The following RUNX1T1 variants were observed in gnomAD, a reference collection of about 807,000 sequenced individuals.
RUNX1T1 encodes the protein RUNX1 partner transcriptional co-repressor 1, also known as protein CBFA2T1.
In RUNX1T1, 4 loss-of-function variants were observed where a neutral mutation model predicts 62.8. The ratio of observed to expected loss-of-function variants is 0.06; its 90% CI spans 0.03 to 0.15. The LOEUF is 0.15. Among genes scored for constraint, RUNX1T1 ranks in the 10% least tolerant of loss-of-function variants. The pLI is 1.00. For missense variants in RUNX1T1, 508 were observed against 754.3 expected, an observed-to-expected ratio of 0.67 and a Z score of 3.82; for synonymous variants, 291 against 286.0, an observed-to-expected ratio of 1.02 and a Z score of -0.18.
downstream of RUNX1T1, chr8:91,957,497 AG>A (rs1265826395): frequency 1.2e-5 from 2 of 170,022 alleles, no homozygotes; most frequent in Admixed American, 9.6e-5. Context: ...GCTCAGAGTT[AG>A]GGATTTTTTT....
At chr8:92,048,952 A>C (rs1280606386) in intron 1 of RUNX1T1, among the ~76,000 whole-genome samples, 1 of 152,084 alleles carries the variant, frequency 6.6e-6, no homozygotes, top group Non-Finnish European at 1.5e-5. Flanking sequence ...TAAAATGAGG[A>C]GGTATGGTGG....
intron 4 of RUNX1T1, chr8:92,005,825 T>C (rs1169216964): frequency 1.3e-5 from 2 of 152,176 alleles, no homozygotes; most frequent in East Asian, 1.9e-4. Context: ...GACATGAACA[T>C]AGAGATTATT....
At chr8:92,037,124 G>A (rs943355761) in intron 1 of RUNX1T1, among the ~76,000 whole-genome samples, 1 of 152,060 alleles carries the variant, frequency 6.6e-6, no homozygotes, top group African/African-American at 2.4e-5. Context: ...TGGGAGAATG[G>A]GCTACTGAAT....
intron 1 of RUNX1T1, among the ~76,000 whole-genome samples, chr8:92,058,203 T>C (rs541836681): frequency 1.3e-5 from 2 of 152,292 alleles, no homozygotes; most frequent in African/African-American, 2.4e-5. Context: ...ATCATGGTTA[T>C]CTGGTATCTG....
chr8:92,055,385 G>C (rs1488487971), intron 1 of RUNX1T1, among the ~76,000 whole-genome samples: 4 of 152,210 alleles, frequency 2.6e-5, no homozygotes, highest in Admixed American at 6.5e-5. Context: ...AAAACATTTT[G>C]AAAACCTAGT....
intron 1 of RUNX1T1, among the ~76,000 whole-genome samples, chr8:92,025,912 TC>T (rs1272534607): frequency 6.6e-6 from 1 of 152,218 alleles, no homozygotes; most frequent in Non-Finnish European, 1.5e-5. Flanking sequence ...ACCACATATT[TC>T]CTGAGACTTT....
At chr8:92,014,504 G>A in intron 3 of RUNX1T1, 75 bp downstream of exon 4, 1 of 1,306,964 alleles carries the variant, frequency 7.7e-7, no homozygotes, top group Non-Finnish European at 1.1e-6. Flanking sequence ...TGCGAGAACG[G>A]TGTCTACATG....
intron 1 of RUNX1T1, among the ~76,000 whole-genome samples, chr8:92,025,993 C>G (rs546912305): frequency 3.7e-4 from 57 of 152,146 alleles, no homozygotes; most frequent in Non-Finnish European, 7.2e-4. Flanking sequence ...CCTCTAAAAA[C>G]TGTTTTACAA....
chr8:92,098,343 A>G (rs1837883142), intron 1 of RUNX1T1, among the ~76,000 whole-genome samples: 1 of 152,222 alleles, frequency 6.6e-6, no homozygotes, highest in Non-Finnish European at 1.5e-5. Flanking sequence ...ATGGATACAA[A>G]GCTGAAATGC....
rs748283968 is a variant in RUNX1T1 at position 91,970,651 on chromosome 8, G to A, written c.1458+7C>T. 35 of 1,590,352 alleles carry A rather than the reference G, an allele frequency of 2.2e-5. No homozygotes were observed. The highest frequency in any genetic ancestry group is 1.7e-4 in the Middle Eastern group (1 of 5,950). On this transcript the variant is annotated splice_region_variant and intron_variant, in intron 10 of 10. Coordinates refer to ENST00000396218, the Ensembl canonical transcript of RUNX1T1. ...TTGTTTATTTGGAGCTTCCCAAGATGCCTCACCTCGCTTGAATCCTCCTGC... is the reference window on the plus strand; with the variant it reads ...TTGTTTATTTGGAGCTTCCCAAGATACCTCACCTCGCTTGAATCCTCCTGC...
At chr8:92,099,581 G>C (rs1207331469) in exon 1 of RUNX1T1, 2 of 978,904 alleles carry the variant, frequency 2.0e-6, no homozygotes, top group East Asian at 2.3e-4. Flanking sequence ...ATAACTTACA[G>C]TAATAGACTC....
At position 92,001,540 on chromosome 8, in the gene RUNX1T1, C is replaced by G. The variant is rs192736330; in HGVS notation, c.659+3576G>C. On this transcript the variant is annotated intron_variant, in intron 5 of 10. Coordinates refer to ENST00000396218, the Ensembl canonical transcript of RUNX1T1. The stretch of plus-strand genomic sequence containing the variant: ...GGCCTTTGCATTGAAAGTTTAGAAG[C>G]GTTAAACTGAGAGTAATGTAAAGCA... Among the ~76,000 whole-genome samples the G allele has an allele frequency of 3.4e-4, 52 of 152,150 alleles. No individual in the cohort carries two copies. In the East Asian group the frequency reaches 9.3e-3, roughly 27 times the overall value.
At chr8:91,961,843 T>C (rs558658952) in intron 10 of RUNX1T1, among the ~76,000 whole-genome samples, 1 of 152,244 alleles carries the variant, frequency 6.6e-6, no homozygotes, top group African/African-American at 2.4e-5. Flanking sequence ...AACAAACTTC[T>C]GACTACAATC....
downstream of RUNX1T1, chr8:91,956,544 C>T (rs1216882766): frequency 6.8e-5 from 15 of 219,514 alleles, no homozygotes; most frequent in East Asian, 1.0e-3. Context: ...TACAACAATA[C>T]CTGAATCATA....
intron 1 of RUNX1T1, among the ~76,000 whole-genome samples, chr8:92,077,895 GT>G (rs1449974581): frequency 3.3e-5 from 5 of 152,038 alleles, no homozygotes; most frequent in African/African-American, 1.2e-4. Flanking sequence ...AAATTACCAT[GT>G]GATAAACTTT....
At chr8:91,965,188 T>C (rs1186364883) in intron 10 of RUNX1T1, among the ~76,000 whole-genome samples, 1 of 152,220 alleles carries the variant, frequency 6.6e-6, no homozygotes, top group African/African-American at 2.4e-5. Flanking sequence ...CCATGGGCAC[T>C]GACAGCTACA....
intron 1 of RUNX1T1, among the ~76,000 whole-genome samples, chr8:92,056,608 C>CT (rs199811616): frequency 7.6e-4 from 110 of 144,772 alleles, no homozygotes; most frequent in Middle Eastern, 3.6e-3. Context: ...AAATCAACTG[C>CT]TTTTTTTTTT....
chr8:91,998,104 GA>G (rs769557307), intron 5 of RUNX1T1, among the ~76,000 whole-genome samples: 7 of 152,070 alleles, frequency 4.6e-5, no homozygotes, highest in Non-Finnish European at 5.9e-5. Context: ...TCAAGGGGGG[GA>G]AAATCACTCT....
intron 8 of RUNX1T1, among the ~76,000 whole-genome samples, chr8:91,980,970 C>T (rs1172182477): frequency 6.6e-6 from 1 of 152,172 alleles, no homozygotes; most frequent in Non-Finnish European, 1.5e-5. Context: ...CTTCTACTCC[C>T]AGCAGAAAGT....
Sources: gnomAD v4.1 joint callset for allele counts (sites outside exome capture counted in the v4.1 genomes callset) on GRCh38, gnomAD v4.1.1 for gene constraint, MANE v1.5 for transcripts, NCBI Gene and HGNC (gene_info 2026-07-23, HGNC 2026-07-21) for gene names.